The following EXOC4 variants were observed in gnomAD, a reference collection of about 807,000 sequenced individuals.
EXOC4 encodes exocyst complex component 4.
Under a neutral mutation model 107.2 loss-of-function variants are expected in EXOC4, and 71 were observed. That is an observed-to-expected ratio of 0.66 (90% CI 0.55 to 0.81). The LOEUF (loss-of-function observed/expected upper bound fraction) is 0.81, where lower values mean the gene tolerates loss of function less well. Among genes scored for constraint, EXOC4 ranks in the 30% least tolerant of loss-of-function variants. The pLI, the probability that EXOC4 is intolerant of heterozygous loss-of-function variation, is 0.00. For synonymous variants in EXOC4, 456 were observed against 441.2 expected (o/e 1.03, Z -0.42); for missense variants, 1,108 against 1,189.6 (o/e 0.93, Z 1.01).
At chr7:133,578,928 C>T (rs1274705495) in intron 9 of EXOC4, among the ~76,000 whole-genome samples, 1 of 152,136 alleles carries the variant, frequency 6.6e-6, no homozygotes, top group Non-Finnish European at 1.5e-5. Flanking sequence ...GACTGCTCTG[C>T]CCCTATCTGA....
At chr7:133,400,194 G>A (rs1347651831) in intron 7 of EXOC4, among the ~76,000 whole-genome samples, 2 of 152,262 alleles carry the variant, frequency 1.3e-5, no homozygotes, top group East Asian at 1.9e-4. Context: ...CTTGGATTAC[G>A]GTTGGTCCTA....
intron 7 of EXOC4, among the ~76,000 whole-genome samples, chr7:133,466,064 G>A (rs1798721144): frequency 6.6e-6 from 1 of 151,996 alleles, no homozygotes; most frequent in African/African-American, 2.4e-5. Flanking sequence ...TTGAACCCAG[G>A]AAGTGGAGGT....
chr7:133,731,359 G>A (rs1178549689), intron 10 of EXOC4, among the ~76,000 whole-genome samples: 1 of 151,712 alleles, frequency 6.6e-6, no homozygotes, highest in Admixed American at 6.6e-5. Context: ...TTTATTGCTT[G>A]CTTTCTTTTA....
intron 10 of EXOC4, among the ~76,000 whole-genome samples, chr7:133,632,849 C>A (rs913405436): frequency 6.6e-6 from 1 of 151,482 alleles, no homozygotes; most frequent in East Asian, 1.9e-4. Context: ...ATGGTCATTG[C>A]TTTTATTCTA....
intron 9 of EXOC4, among the ~76,000 whole-genome samples, chr7:133,536,622 A>G (rs1800275304): frequency 6.6e-6 from 1 of 151,648 alleles, no homozygotes; most frequent in South Asian, 2.1e-4. Context: ...TATCCTGGCT[A>G]TGGGAGTAGG....
At chr7:133,668,041 G>A (rs1392137630) in intron 10 of EXOC4, among the ~76,000 whole-genome samples, 1 of 152,046 alleles carries the variant, frequency 6.6e-6, no homozygotes, top group Non-Finnish European at 1.5e-5. Context: ...CATGTTTTAG[G>A]CCTTAGTGGG....
chr7:133,836,790 C>T lies in EXOC4; in HGVS notation c.1734+19246C>T, dbSNP rs1413666879. ...GATCCATCCTCCTGCCTCCCTCAAC[C>T]GCAAGTCCTTGAGCAGCTAATCCTT... On this transcript the variant is annotated intron_variant, in intron 11 of 17. Transcript: ENST00000253861. Among the ~76,000 whole-genome samples, 6 of 152,254 alleles carry T rather than the reference C, an allele frequency of 3.9e-5. No homozygotes were observed. In the East Asian group the frequency reaches 7.7e-4, roughly 20 times the overall value.
intron 10 of EXOC4, among the ~76,000 whole-genome samples, chr7:133,630,534 A>G (rs1802567449): frequency 6.6e-6 from 1 of 152,038 alleles, no homozygotes; most frequent in Non-Finnish European, 1.5e-5. Flanking sequence ...TTGTTTATGT[A>G]TTGCCCATAG....
chr7:133,526,969 T>TCAAAAA (rs144430029), intron 9 of EXOC4, among the ~76,000 whole-genome samples: 80 of 151,968 alleles, frequency 5.3e-4, no homozygotes, highest in Middle Eastern at 3.4e-3. Context: ...AGACTCCGTC[T>TCAAAAA]CAAAAACAAA....
At chr7:133,688,561 T>G (rs1227051358) in intron 10 of EXOC4, among the ~76,000 whole-genome samples, 1 of 152,176 alleles carries the variant, frequency 6.6e-6, no homozygotes, top group African/African-American at 2.4e-5. Flanking sequence ...TATGGGAAGC[T>G]TGTGGAGCTA....
intron 5 of EXOC4, among the ~76,000 whole-genome samples, chr7:133,334,391 A>G (rs190817510): frequency 8.9e-4 from 136 of 152,312 alleles, no homozygotes; most frequent in Admixed American, 1.2e-3. Context: ...AAGGGTAAGG[A>G]TACTATAGAT....
chr7:133,735,479 A>T (rs1795425528), intron 10 of EXOC4, among the ~76,000 whole-genome samples: 1 of 152,074 alleles, frequency 6.6e-6, no homozygotes, highest in Non-Finnish European at 1.5e-5. Flanking sequence ...GATTAGTTGC[A>T]TTAGAAGATT....
At chr7:133,935,474 T>C (rs1237078264) in intron 13 of EXOC4, among the ~76,000 whole-genome samples, 1 of 152,174 alleles carries the variant, frequency 6.6e-6, no homozygotes. Flanking sequence ...AGGCAGCTAA[T>C]GGTTTCTGTC....
intron 9 of EXOC4, among the ~76,000 whole-genome samples, chr7:133,570,976 G>C (rs1801011235): frequency 6.6e-6 from 1 of 152,138 alleles, no homozygotes; most frequent in South Asian, 2.1e-4. Flanking sequence ...TTTAAGTATT[G>C]GTATCCCATC....
At chr7:133,807,774 G>A (rs1412478038) in intron 10 of EXOC4, among the ~76,000 whole-genome samples, 1 of 152,172 alleles carries the variant, frequency 6.6e-6, no homozygotes, top group Non-Finnish European at 1.5e-5. Context: ...TGAAGGGTTA[G>A]AGTTTAAGTC....
intron 13 of EXOC4, among the ~76,000 whole-genome samples, chr7:133,932,991 T>C (rs1800215502): frequency 6.6e-6 from 1 of 151,500 alleles, no homozygotes; most frequent in Admixed American, 6.6e-5. Flanking sequence ...GACCAATCCC[T>C]GAAACCTTTT....
intron 9 of EXOC4, among the ~76,000 whole-genome samples, chr7:133,581,161 A>T (rs1563115425): frequency 6.6e-6 from 1 of 152,144 alleles, no homozygotes; most frequent in Non-Finnish European, 1.5e-5. Context: ...CTGTTCTCTG[A>T]TTTATTAACA....
chr7:133,976,570 TG>T (rs984410534), intron 14 of EXOC4, among the ~76,000 whole-genome samples: 1 of 15,202 alleles, frequency 6.6e-5, no homozygotes, highest in African/African-American at 2.6e-4. Context: ...AGTTAGCACA[TG>T]GAAAAGAATA....
intron 11 of EXOC4, among the ~76,000 whole-genome samples, chr7:133,856,049 T>C (rs1798366348): frequency 6.6e-6 from 1 of 152,200 alleles, no homozygotes; most frequent in Admixed American, 6.5e-5. Context: ...AAAAGTACTT[T>C]ATCAAACCCT....
Sources: allele counts gnomAD v4.1 joint callset (sites outside exome capture counted in the v4.1 genomes callset), GRCh38; gene constraint gnomAD v4.1.1; transcripts MANE v1.5; gene names NCBI Gene and HGNC (gene_info 2026-07-23, HGNC 2026-07-21).